The following ABHD17C variants were observed in gnomAD, a reference collection of about 807,000 sequenced individuals.
ABHD17C encodes the protein abhydrolase domain containing 17C, depalmitoylase.
A neutral mutation model predicts 27.9 loss-of-function variants in ABHD17C; 11 were observed. The observed-to-expected ratio is 0.39, with a 90% confidence interval of 0.25 to 0.65. ABHD17C has a LOEUF of 0.65. ABHD17C is among the 30% of genes least tolerant of loss of function. The probability of loss-of-function intolerance (pLI) is 0.45; values close to 1 mark genes in which losing one functional copy is unlikely to be tolerated. For synonymous variants in ABHD17C, 233 were observed against 209.1 expected (o/e 1.11, Z -0.98); for missense variants, 280 against 470.2 (o/e 0.60, Z 3.74).
intron 1 of ABHD17C, among the ~76,000 whole-genome samples, chr15:80,726,654 A>G (rs954109362): frequency 6.6e-6 from 1 of 151,562 alleles, no homozygotes; most frequent in African/African-American, 2.4e-5. Context: ...CTGGGACTAC[A>G]GGCACCCACC....
intron 1 of ABHD17C, among the ~76,000 whole-genome samples, chr15:80,707,158 G>A (rs941639229): frequency 6.6e-6 from 1 of 152,192 alleles, no homozygotes; most frequent in African/African-American, 2.4e-5. Context: ...AAAAATTACA[G>A]AATACCCAGT....
intron 1 of ABHD17C, among the ~76,000 whole-genome samples, chr15:80,738,005 A>G (rs1278328822): frequency 6.6e-6 from 1 of 152,094 alleles, no homozygotes; most frequent in Non-Finnish European, 1.5e-5. Flanking sequence ...TCTGTTGGGA[A>G]GGACGGATTG....
At chr15:80,736,312 A>C (rs1418276126) in intron 1 of ABHD17C, among the ~76,000 whole-genome samples, 1 of 152,228 alleles carries the variant, frequency 6.6e-6, no homozygotes, top group Non-Finnish European at 1.5e-5. Flanking sequence ...TTGTATTTTA[A>C]GGAACAATAA....
In ABHD17C at chr15:80,731,895, T is replaced by C. The variant is rs1895062341; in HGVS notation, c.591-17618T>C. On this transcript the variant is annotated intron_variant, in intron 1 of 2. Transcript: ENST00000258884. ...AAAAGAGACATAAAGGTTGCCATTT[T>C]AACTATTTTTAAATGTACAGTGCTG... is the stretch of plus-strand genomic sequence containing the variant. Among the ~76,000 whole-genome samples the C allele has an allele frequency of 2.0e-5, 3 of 152,194 alleles. No homozygotes were observed. The South Asian group carries it at 6.2e-4, about 32-fold the overall frequency.
intron 1 of ABHD17C, among the ~76,000 whole-genome samples, chr15:80,710,814 T>TCCTGCC (rs1267819980): frequency 6.6e-6 from 1 of 152,114 alleles, no homozygotes; most frequent in Non-Finnish European, 1.5e-5. Flanking sequence ...CAAGCAATCT[T>TCCTGCC]CCTGCCCCTG....
chr15:80,753,221 T>C (rs186451936), intron 2 of ABHD17C, among the ~76,000 whole-genome samples: 3 of 151,896 alleles, frequency 2.0e-5, no homozygotes, highest in Non-Finnish European at 4.4e-5. Flanking sequence ...AAAAGTAATA[T>C]AAAGATAATA....
chr15:80,749,363 A>G (rs1895336667), intron 1 of ABHD17C, 150 bp from the exon 2 acceptor site: 1 of 722,718 alleles, frequency 1.4e-6, no homozygotes, highest in Non-Finnish European at 2.1e-6. Flanking sequence ...TCAAGCTCAC[A>G]TTCATCTTAA....
At chr15:80,706,252 A>C (rs1196907517) in intron 1 of ABHD17C, among the ~76,000 whole-genome samples, 2 of 152,264 alleles carry the variant, frequency 1.3e-5, no homozygotes, top group South Asian at 4.1e-4. Flanking sequence ...CTCCCACGTT[A>C]TTGATTCACT....
rs897374725 is a variant in ABHD17C at position 80,755,022 on chromosome 15, A to G, written c.*652A>G. The G allele has an allele frequency of 6.6e-6, 1 of 152,148 alleles. No homozygotes were observed. Among genetic ancestry groups the G allele is most frequent in the Admixed American group, 6.6e-5 (1 of 15,264 alleles). 9.4% of individuals were successfully genotyped at this position (152,148 alleles called of 1,614,324 possible). A position where few individuals can be genotyped will look rare whatever the true frequency, so the allele number is the denominator to read the frequency against. On this transcript the variant is annotated 3_prime_UTR_variant, in exon 3 of 3. Coordinates refer to ENST00000258884, the MANE Select transcript of ABHD17C (RefSeq NM_021214.2). The stretch of plus-strand genomic sequence containing the variant: ...TATTACTAGCCAACAGAGTTTTACT[A>G]TTTTGATTGTCTGGTTGGTTTAACA...
intron 1 of ABHD17C, among the ~76,000 whole-genome samples, chr15:80,713,900 C>CCACACACA (rs58311304): frequency 0.031 from 4,315 of 141,078 alleles, 64 homozygotes; most frequent in Middle Eastern, 0.056. Flanking sequence ...CATATACAGA[C>CCACACACA]CACACACACA....
chr15:80,742,913 T>C (rs1461363480), intron 1 of ABHD17C, among the ~76,000 whole-genome samples: 1 of 146,550 alleles, frequency 6.8e-6, no homozygotes, highest in Admixed American at 7.1e-5. Context: ...TGAGAAAAAG[T>C]GGTTGGGTTT....
intron 1 of ABHD17C, among the ~76,000 whole-genome samples, chr15:80,731,084 C>G (rs903437013): frequency 2.6e-5 from 4 of 152,206 alleles, no homozygotes; most frequent in African/African-American, 4.8e-5. Context: ...GTGAGTCATA[C>G]AGTCCCCGTC....
chr15:80,727,351 A>C (rs1894995947), intron 1 of ABHD17C, among the ~76,000 whole-genome samples: 1 of 152,132 alleles, frequency 6.6e-6, no homozygotes, highest in Non-Finnish European at 1.5e-5. Context: ...AATTCAAACT[A>C]TCTGGTTGTT....
intron 1 of ABHD17C, among the ~76,000 whole-genome samples, chr15:80,721,814 G>C (rs540699874): frequency 6.6e-6 from 1 of 152,092 alleles, no homozygotes; most frequent in Admixed American, 6.5e-5. Context: ...AGGGCACTGG[G>C]GGCCTCCTTC....
intron 1 of ABHD17C, among the ~76,000 whole-genome samples, chr15:80,707,328 C>T (rs942043107): frequency 4.6e-5 from 7 of 152,180 alleles, no homozygotes; most frequent in African/African-American, 1.7e-4. Flanking sequence ...ATCTGCAGGG[C>T]AGACAGTGGT....
At chr15:80,749,175 T>A (rs1472214455) in intron 1 of ABHD17C, among the ~76,000 whole-genome samples, 2 of 152,172 alleles carry the variant, frequency 1.3e-5, no homozygotes, top group Non-Finnish European at 2.9e-5. Flanking sequence ...AAAGAAAATA[T>A]AAAGGGGGAA....
At chr15:80,739,901 G>T (rs770840109) in intron 1 of ABHD17C, among the ~76,000 whole-genome samples, 2 of 152,128 alleles carry the variant, frequency 1.3e-5, no homozygotes, top group African/African-American at 4.8e-5. Context: ...TGGCCTGTTC[G>T]TCTTTCTTTT....
At chr15:80,713,623 C>G (rs1343856937) in intron 1 of ABHD17C, among the ~76,000 whole-genome samples, 2 of 151,792 alleles carry the variant, frequency 1.3e-5, no homozygotes, top group Non-Finnish European at 1.5e-5. Flanking sequence ...GCCTGGCCAA[C>G]ATAGTGAAAC....
intron 1 of ABHD17C, among the ~76,000 whole-genome samples, chr15:80,748,489 T>C (rs1055593260): frequency 9.2e-5 from 14 of 152,160 alleles, no homozygotes; most frequent in Admixed American, 6.5e-5. Flanking sequence ...TAGTAACTCA[T>C]GGATTTAATT....
Sources: gnomAD v4.1 joint callset for allele counts (sites outside exome capture counted in the v4.1 genomes callset) on GRCh38, gnomAD v4.1.1 for gene constraint, MANE v1.5 for transcripts, NCBI Gene and HGNC (gene_info 2026-07-23, HGNC 2026-07-21) for gene names.